The following NMT2 variants were observed in gnomAD, a reference collection of about 807,000 sequenced individuals.
The protein encoded by NMT2 is glycylpeptide N-tetradecanoyltransferase 2.
In NMT2, 35 loss-of-function variants were observed where a neutral mutation model predicts 65.4. That is an observed-to-expected ratio of 0.54 (90% confidence interval 0.41 to 0.71). The LOEUF (loss-of-function observed/expected upper bound fraction) is 0.71, where lower values mean the gene tolerates loss of function less well. Among genes scored for constraint, NMT2 ranks in the 30% least tolerant of loss-of-function variants. NMT2 has a pLI of 0.00. For missense variants in NMT2, 489 were observed against 611.3 expected, an observed-to-expected ratio of 0.80 and a Z score of 2.11; for synonymous variants, 226 against 231.8, an observed-to-expected ratio of 0.98 and a Z score of 0.23.
intron 7 of NMT2, among the ~76,000 whole-genome samples, chr10:15,128,800 T>G (rs994389666): frequency 2.6e-5 from 4 of 151,470 alleles, no homozygotes; most frequent in African/African-American, 9.7e-5. Context: ...AGGCCAGGAG[T>G]TCAAGACCAG....
chr10:15,131,542 A>T (rs1846287085), intron 6 of NMT2, among the ~76,000 whole-genome samples: 1 of 152,138 alleles, frequency 6.6e-6, no homozygotes, highest in Admixed American at 6.6e-5. Flanking sequence ...TTGGAGTGTG[A>T]TACAAACCCC....
At position 15,109,681 on chromosome 10, in the gene NMT2, G is replaced by C. The variant is rs369155257; in HGVS notation, c.1476+21C>G. 53 of 1,590,664 alleles carry C rather than the reference G, an allele frequency of 3.3e-5. No individual in the cohort carries two copies. The African/African-American group carries it at 4.6e-4, about 14-fold the overall frequency. ...TAGGTACATTTGTTGAGTTTACAAG[G>C]GCTATATCCATTTCACTTACCTTTT... On this transcript the variant is annotated intron_variant, in intron 11 of 11. Transcript: ENST00000378165.
chr10:15,131,661 C>G (rs1478373555), intron 6 of NMT2, among the ~76,000 whole-genome samples: 1 of 152,166 alleles, frequency 6.6e-6, no homozygotes, highest in Non-Finnish European at 1.5e-5. Context: ...CAGGTACACA[C>G]TTCATTTGGC....
chr10:15,151,469 G>A (rs1292074137), intron 1 of NMT2, among the ~76,000 whole-genome samples: 3 of 152,140 alleles, frequency 2.0e-5, no homozygotes, highest in African/African-American at 7.2e-5. Context: ...ACACTCATTG[G>A]CCAGAAACAC....
chr10:15,127,886 C>T (rs1347001903), intron 8 of NMT2, among the ~76,000 whole-genome samples: 1 of 138,046 alleles, frequency 7.2e-6, no homozygotes, highest in Non-Finnish European at 1.5e-5. Context: ...GGCAACAGAG[C>T]AAGACTGTCT....
chr10:15,165,929 G>A (rs1212824350), intron 1 of NMT2, among the ~76,000 whole-genome samples: 1 of 150,210 alleles, frequency 6.7e-6, no homozygotes, highest in Admixed American at 6.6e-5. Flanking sequence ...TAAAGACAGT[G>A]AGACTCAAGT....
At chr10:15,132,056 G>C (rs921987120) in intron 6 of NMT2, among the ~76,000 whole-genome samples, 2 of 152,024 alleles carry the variant, frequency 1.3e-5, no homozygotes, top group African/African-American at 4.8e-5. Flanking sequence ...GTAGAGATGG[G>C]GTTTCGCCAT....
intron 1 of NMT2, among the ~76,000 whole-genome samples, chr10:15,158,172 C>T (rs1020613634): frequency 2.0e-4 from 31 of 151,990 alleles, no homozygotes; most frequent in African/African-American, 7.2e-4. Flanking sequence ...AAAAATTAGC[C>T]GGGCATGGTG....
At chr10:15,135,216 G>A in intron 3 of NMT2, 58 bp downstream of exon 3, 1 of 1,456,296 alleles carries the variant, frequency 6.9e-7, no homozygotes, top group Non-Finnish European at 9.6e-7. Context: ...TGTTGTTGTT[G>A]TTGTTGTTCA....
intron 6 of NMT2, among the ~76,000 whole-genome samples, chr10:15,132,015 G>A (rs2131544515): frequency 6.6e-6 from 1 of 152,060 alleles, no homozygotes; most frequent in South Asian, 2.1e-4. Context: ...ACAGGCACGT[G>A]CCACTATGCT....
At chr10:15,164,695 G>A (rs1030864950) in intron 1 of NMT2, among the ~76,000 whole-genome samples, 2 of 152,184 alleles carry the variant, frequency 1.3e-5, no homozygotes, top group African/African-American at 2.4e-5. Context: ...AAGTATTAAA[G>A]ATCCTTGAGC....
rs1408049808 is a variant in NMT2 at position 15,119,343 on chromosome 10, C to T, written c.1170G>A (p.Glu390=). 1.2e-6 allele frequency: 2 copies of T among 1,613,678 alleles called. No homozygotes were observed. The highest frequency in any genetic ancestry group is 1.7e-6 in the Non-Finnish European group (2 of 1,179,902). Residue 390 remains glutamate, a splice_region_variant and synonymous_variant, in exon 9 of 12, where the codon GAG becomes GAA. Transcript: ENST00000378165. Reference sequence around the variant, plus strand: ...TTTATGTTTATCACCTTGTCTTTACCTCCACTACAAACGTGTCAATAATGT... The same window carrying T: ...TTTATGTTTATCACCTTGTCTTTACTTCCACTACAAACGTGTCAATAATGT... ...REHIIDTFVV[E]SPNGKLTDFL...
At chr10:15,160,537 G>A (rs1305282862) in intron 1 of NMT2, among the ~76,000 whole-genome samples, 3 of 151,682 alleles carry the variant, frequency 2.0e-5, no homozygotes, top group East Asian at 3.9e-4. Context: ...CACTTTGGGA[G>A]GCTGAGGTGG....
intron 1 of NMT2, among the ~76,000 whole-genome samples, chr10:15,166,207 T>C (rs1455090972): frequency 1.3e-5 from 2 of 152,230 alleles, no homozygotes; most frequent in Admixed American, 6.5e-5. Flanking sequence ...TACATTATAC[T>C]GAGTGGTGGG....
At chr10:15,167,814 G>A (rs1191811435) in intron 1 of NMT2, among the ~76,000 whole-genome samples, 1 of 152,198 alleles carries the variant, frequency 6.6e-6, no homozygotes, top group Non-Finnish European at 1.5e-5. Flanking sequence ...TACCAGCTTT[G>A]CAAACAGGAT....
chr10:15,113,058 GA>G, intron 9 of NMT2, 95 bp from the exon 10 acceptor site: 1 of 1,275,704 alleles, frequency 7.8e-7, no homozygotes, highest in South Asian at 1.2e-5. Flanking sequence ...CCCAGAGAAC[GA>G]AAAGCAGTAA....
At chr10:15,149,753 G>A (rs189934168) in intron 1 of NMT2, among the ~76,000 whole-genome samples, 16 of 152,168 alleles carry the variant, frequency 1.1e-4, no homozygotes, top group Non-Finnish European at 2.4e-4. Context: ...TTATAGATGA[G>A]GAAACTGAAA....
chr10:15,147,436 G>A (rs73604570), intron 1 of NMT2, among the ~76,000 whole-genome samples: 4,555 of 151,908 alleles, frequency 0.03, 211 homozygotes, highest in African/African-American at 0.1. Flanking sequence ...AAACTACAAC[G>A]GAACTGAAGA....
chr10:15,148,716 T>C (rs1847044970), intron 1 of NMT2, among the ~76,000 whole-genome samples: 1 of 152,126 alleles, frequency 6.6e-6, no homozygotes, highest in African/African-American at 2.4e-5. Flanking sequence ...CATAAAACAG[T>C]GTTTTCTATT....
Sources: gnomAD v4.1 joint callset for allele counts (sites outside exome capture counted in the v4.1 genomes callset) on GRCh38, gnomAD v4.1.1 for gene constraint, MANE v1.5 for transcripts, NCBI Gene and HGNC (gene_info 2026-07-23, HGNC 2026-07-21) for gene names.